The following EEA1 variants were observed in gnomAD, a reference collection of about 807,000 sequenced individuals.
The protein encoded by EEA1 is early endosome antigen 1, 162kD.
EEA1 carries 111 observed loss-of-function variants against 209.2 expected under a neutral mutation model. The observed-to-expected ratio is 0.53, with a 90% CI of 0.45 to 0.62. The LOEUF (loss-of-function observed/expected upper bound fraction) is 0.62, where lower values mean the gene tolerates loss of function less well. Ranked by LOEUF, EEA1 falls within the 20% of genes least tolerant of loss-of-function variation. The probability of loss-of-function intolerance (pLI) is 0.00; values close to 1 mark genes in which losing one functional copy is unlikely to be tolerated. For synonymous variants in EEA1, 536 were observed against 540.6 expected (o/e 0.99, Z 0.12); for missense variants, 1,343 against 1,530.8 (o/e 0.88, Z 2.05).
At chr12:92,902,538 C>T (rs1880191901) in intron 1 of EEA1, among the ~76,000 whole-genome samples, 3 of 152,072 alleles carry the variant, frequency 2.0e-5, no homozygotes, top group Admixed American at 2.0e-4. Context: ...GTCAGGAGTT[C>T]GAGACCAGCC....
intron 2 of EEA1, among the ~76,000 whole-genome samples, chr12:92,874,662 A>C (rs1399986036): frequency 6.6e-6 from 1 of 152,216 alleles, no homozygotes; most frequent in Non-Finnish European, 1.5e-5. Context: ...CACAGTGCCC[A>C]GCTGTTTTGT....
intron 21 of EEA1, among the ~76,000 whole-genome samples, chr12:92,793,953 T>C (rs1000888698): frequency 6.6e-6 from 1 of 152,094 alleles, no homozygotes; most frequent in South Asian, 2.1e-4. Context: ...ACCTACAGAA[T>C]GGGAGAAAAT....
chr12:92,801,834 T>C, intron 19 of EEA1, 133 bp from the exon 20 acceptor site: 1 of 513,112 alleles, frequency 1.9e-6, no homozygotes, highest in Non-Finnish European at 3.1e-6. Context: ...GACAGGATCA[T>C]CCATTTCAAT....
chr12:92,821,844 T>C (rs998796544), intron 13 of EEA1, among the ~76,000 whole-genome samples: 3 of 149,758 alleles, frequency 2.0e-5, no homozygotes, highest in African/African-American at 4.9e-5. Flanking sequence ...TACATACACA[T>C]ATAATTAATT....
chr12:92,842,017 C>T (rs1378551671), intron 10 of EEA1, among the ~76,000 whole-genome samples: 5 of 152,110 alleles, frequency 3.3e-5, no homozygotes. Context: ...AAATGTTATT[C>T]AGCCTTAAAA....
intron 18 of EEA1, among the ~76,000 whole-genome samples, chr12:92,807,293 T>C (rs1875261414): frequency 6.6e-6 from 1 of 152,134 alleles, no homozygotes; most frequent in Non-Finnish European, 1.5e-5. Context: ...AGGTAATGTC[T>C]TCAATCTGAT....
At chr12:92,789,457 C>A (rs915312797) in intron 21 of EEA1, among the ~76,000 whole-genome samples, 4 of 152,050 alleles carry the variant, frequency 2.6e-5, no homozygotes, top group African/African-American at 9.7e-5. Context: ...ATCCATGTAT[C>A]TTCCTGATGT....
chr12:92,906,176 C>T (rs986238978), intron 1 of EEA1, among the ~76,000 whole-genome samples: 1 of 151,238 alleles, frequency 6.6e-6, no homozygotes, highest in African/African-American at 2.4e-5. Flanking sequence ...ATTGCAACCT[C>T]TGCCTCCTGG....
chr12:92,858,332 T>A, intron 3 of EEA1: 1 of 787,018 alleles, frequency 1.3e-6, no homozygotes, highest in South Asian at 1.4e-5. Context: ...AAATGCTTCG[T>A]GAAGCTATTA....
Position 92,851,251 on chromosome 12 carries a change from T to C in EEA1, c.658A>G (p.Ile220Val), listed in dbSNP as rs1370703990. Reference protein sequence around the residue: ...LKTELLQRPGIEDVAVLKKEL... With the variant: ...LKTELLQRPGVEDVAVLKKEL... ...TTCTTTAGCACGGCAACATCTTCTATACCAGGTCTCTGAAGCTGTGAAACA... is the reference window on the plus strand; with the variant it reads ...TTCTTTAGCACGGCAACATCTTCTACACCAGGTCTCTGAAGCTGTGAAACA... Residue 220 changes from isoleucine (I) to valine (V), a missense_variant, in exon 9 of 29, where the codon ATA (isoleucine) becomes GTA (valine). Ile to Val is a conservative substitution (Grantham distance 29, BLOSUM62 3). Around this residue, in one of 3 missense-constraint regions of EEA1, gnomAD observed 1,307 missense variants for 1,465.5 expected, o/e 0.89. Coordinates refer to ENST00000322349, the MANE Select transcript of EEA1 (RefSeq NM_003566.4). 4 of 1,612,212 alleles carry C rather than the reference T, an allele frequency of 2.5e-6. No individual in the cohort carries two copies. The highest frequency in any genetic ancestry group is 2.5e-6 in the Non-Finnish European group (3 of 1,179,432).
chr12:92,848,314 C>T (rs1877464837), intron 9 of EEA1, among the ~76,000 whole-genome samples: 1 of 151,868 alleles, frequency 6.6e-6, no homozygotes, highest in South Asian at 2.1e-4. Flanking sequence ...TCTTTCACCT[C>T]CCTATCTTTC....
chr12:92,832,875 T>A (rs758086216), intron 10 of EEA1, 25 bp from the exon 11 acceptor site: 1 of 1,521,604 alleles, frequency 6.6e-7, no homozygotes, highest in South Asian at 1.2e-5. Flanking sequence ...TAACAATTTA[T>A]TTCCTTTTCT....
intron 13 of EEA1, among the ~76,000 whole-genome samples, chr12:92,822,928 C>T (rs536104942): frequency 6.6e-6 from 1 of 152,234 alleles, no homozygotes; most frequent in South Asian, 2.1e-4. Flanking sequence ...GATGACACCT[C>T]CACTTACCAT....
At chr12:92,873,683 A>G (rs768119119) in intron 2 of EEA1, among the ~76,000 whole-genome samples, 1 of 152,184 alleles carries the variant, frequency 6.6e-6, no homozygotes, top group Non-Finnish European at 1.5e-5. Context: ...CTTGGGCTTG[A>G]ATCCTGGATT....
At chr12:92,884,810 G>C in intron 2 of EEA1, 1 of 726,914 alleles carries the variant, frequency 1.4e-6, no homozygotes, top group African/African-American at 1.7e-5. Flanking sequence ...GCAGGGCCTA[G>C]CTGCTACAAA....
intron 1 of EEA1, among the ~76,000 whole-genome samples, chr12:92,900,155 T>A (rs1880087047): frequency 6.6e-6 from 1 of 152,206 alleles, no homozygotes; most frequent in Non-Finnish European, 1.5e-5. Flanking sequence ...ATGATATTTT[T>A]AAAATGGTAG....
At position 92,771,531 on chromosome 12, in the gene EEA1, A is replaced by C. The variant is rs541789514; in HGVS notation, c.*4480T>G. The C allele has an allele frequency of 1.3e-5, 2 of 152,190 alleles. No individual in the cohort carries two copies. The highest frequency in any genetic ancestry group is 2.4e-5 in the African/African-American group (1 of 41,566). 9.4% of individuals were successfully genotyped at this position (152,190 alleles called of 1,614,324 possible). A position where few individuals can be genotyped will look rare whatever the true frequency, so the allele number is the denominator to read the frequency against. On this transcript the variant is annotated 3_prime_UTR_variant, in exon 29 of 29. Transcript: ENST00000322349. ...GGACAGTAACTATTGTTAATAGCTA[A>C]GAATAAATGAGGTGGAGGGGAGAAA...
At chr12:92,806,171 A>G (rs1234994663) in intron 18 of EEA1, among the ~76,000 whole-genome samples, 1 of 152,224 alleles carries the variant, frequency 6.6e-6, no homozygotes, top group African/African-American at 2.4e-5. Flanking sequence ...AAAGATGGAA[A>G]CAATAAAGAG....
intron 2 of EEA1, among the ~76,000 whole-genome samples, chr12:92,883,325 G>A (rs1323915366): frequency 6.6e-6 from 1 of 152,066 alleles, no homozygotes; most frequent in Non-Finnish European, 1.5e-5. Context: ...CTGCAAACTT[G>A]GCTGCACAGT....
Sources: gnomAD v4.1 joint callset for allele counts (sites outside exome capture counted in the v4.1 genomes callset) on GRCh38, gnomAD v4.1.1 for gene constraint, gnomAD v4.1.1 regional missense constraint, MANE v1.5 for transcripts, NCBI Gene and HGNC (gene_info 2026-07-23, HGNC 2026-07-21) for gene names.